The following ZNF652 variants were observed in gnomAD, a reference collection of about 807,000 sequenced individuals.
ZNF652 encodes the protein zinc finger protein 652.
Under a neutral mutation model 45.2 loss-of-function variants are expected in ZNF652, and 16 were observed. The ratio of observed to expected loss-of-function variants is 0.35; its 90% CI spans 0.24 to 0.54. The LOEUF (loss-of-function observed/expected upper bound fraction) is 0.54. ZNF652 is among the 20% of genes least tolerant of loss of function. ZNF652 has a pLI of 0.91. For synonymous variants in ZNF652, 250 were observed against 260.6 expected (o/e 0.96, Z 0.39); for missense variants, 614 against 765.6 (o/e 0.80, Z 2.34).
intron 3 of ZNF652, among the ~76,000 whole-genome samples, chr17:49,312,277 T>C (rs1426763502): frequency 2.7e-5 from 4 of 149,340 alleles, no homozygotes; most frequent in African/African-American, 9.8e-5. Context: ...GTGATTATCC[T>C]GCCTCAGCCT....
At chr17:49,331,270 C>T (rs958395552) in intron 1 of ZNF652, among the ~76,000 whole-genome samples, 2 of 151,562 alleles carry the variant, frequency 1.3e-5, no homozygotes, top group Admixed American at 6.6e-5. Flanking sequence ...TACAGGTGCC[C>T]GCTACCACGC....
chr17:49,325,699 C>T (rs890821556), intron 1 of ZNF652, among the ~76,000 whole-genome samples: 6 of 151,888 alleles, frequency 4.0e-5, no homozygotes, highest in Admixed American at 3.3e-4. Context: ...GCTGCATGCC[C>T]GTGGTCCCAG....
chr17:49,330,889 A>AAAAC (rs148491803), intron 1 of ZNF652, among the ~76,000 whole-genome samples: 12 of 149,040 alleles, frequency 8.1e-5, no homozygotes, highest in African/African-American at 2.5e-4. Flanking sequence ...TGTCTCTACT[A>AAAAC]AAACAAACAA....
At chr17:49,312,133 C>A in intron 3 of ZNF652, 91 bp from the exon 4 acceptor site, 1 of 587,742 alleles carries the variant, frequency 1.7e-6, no homozygotes, top group Non-Finnish European at 2.9e-6. Context: ...TTAGGCCATC[C>A]TAATTTTCTA....
At chr17:49,309,411 G>T (rs1293181703) in intron 5 of ZNF652, among the ~76,000 whole-genome samples, 1 of 150,984 alleles carries the variant, frequency 6.6e-6, no homozygotes, top group Non-Finnish European at 1.5e-5. Context: ...GGGAGGCTGG[G>T]GCAGGAGAAT....
intron 1 of ZNF652, among the ~76,000 whole-genome samples, chr17:49,330,959 C>A (rs1288584047): frequency 2.0e-5 from 3 of 151,294 alleles, no homozygotes; most frequent in Non-Finnish European, 4.4e-5. Flanking sequence ...TGCCTGTAAT[C>A]CCAGCTACTC....
chr17:49,344,200 CA>C (rs150373947), intron 1 of ZNF652, among the ~76,000 whole-genome samples: 62,341 of 144,820 alleles, frequency 0.43, 13,468 homozygotes, highest in East Asian at 0.49. Flanking sequence ...GACTCCGTTT[CA>C]AAAAAAAAAA....
At chr17:49,349,881 G>A (rs2411979) in intron 1 of ZNF652, among the ~76,000 whole-genome samples, 35,016 of 152,032 alleles carry the variant, frequency 0.23, 4,152 homozygotes, top group South Asian at 0.32. Context: ...AGATACTAAT[G>A]TCAAAGATAA....
rs146554127 is a variant in ZNF652 at position 49,331,406 on chromosome 17, C to T, written c.-258-13423G>A. Among the ~76,000 whole-genome samples, 390 of 152,210 alleles carry T rather than the reference C, an allele frequency of 2.6e-3. 4 individuals are homozygous for T. Among genetic ancestry groups the T allele is most frequent in the African/African-American group, 8.9e-3 (371 of 41,546 alleles). On this transcript the variant is annotated intron_variant, in intron 1 of 5. Transcript: ENST00000430262. ...AAAGTGCTGGGATTACAGGCGTGAG[C>T]CACCATGCTTGGCCAAATGTGCCTT...
chr17:49,352,379 G>T (rs1168011086), intron 1 of ZNF652, among the ~76,000 whole-genome samples: 4 of 152,054 alleles, frequency 2.6e-5, no homozygotes, highest in African/African-American at 4.8e-5. Context: ...GAGGAAACAA[G>T]AGGTTCAGAA....
rs767629722 is a variant in ZNF652, at chr17:49,312,682, A to T, written c.1048+16T>A. The T allele has an allele frequency of 1.6e-5, 26 of 1,610,830 alleles. No individual in the cohort carries two copies. Among genetic ancestry groups the T allele is most frequent in the Non-Finnish European group, 2.2e-5 (26 of 1,178,832 alleles). ...AGGGAAAATTATAGGTATAAGAGAA[A>T]AGCAGAAAAACTTACCAACCATGTG... On this transcript the variant is annotated intron_variant, in intron 3 of 5. Coordinates refer to ENST00000430262, the MANE Select transcript of ZNF652 (RefSeq NM_001145365.3).
chr17:49,339,667 T>C (rs2070123387), intron 1 of ZNF652, among the ~76,000 whole-genome samples: 2 of 152,070 alleles, frequency 1.3e-5, no homozygotes, highest in African/African-American at 4.8e-5. Context: ...CTGTGAAGAG[T>C]GTCAGGTTTT....
At chr17:49,357,552 T>A (rs550550989) in intron 1 of ZNF652, among the ~76,000 whole-genome samples, 2 of 152,328 alleles carry the variant, frequency 1.3e-5, no homozygotes, top group East Asian at 3.8e-4. Context: ...AAAATGTTCA[T>A]AAGTATTTTT....
intron 1 of ZNF652, among the ~76,000 whole-genome samples, chr17:49,333,387 A>AAAGAATATGAAGACATTTCTCTAAAG (rs1357838624): frequency 8.0e-5 from 12 of 150,472 alleles, no homozygotes; most frequent in Non-Finnish European, 1.8e-4. Context: ...ATTAAAACGG[A>AAAGAATATGAAGACATTTCTCTAAAG]AAGAATATGA....
intron 1 of ZNF652, among the ~76,000 whole-genome samples, chr17:49,332,634 T>C (rs1312087615): frequency 6.6e-6 from 1 of 152,126 alleles, no homozygotes; most frequent in Non-Finnish European, 1.5e-5. Flanking sequence ...GATTTTACCT[T>C]TCCTTGTGAT....
intron 2 of ZNF652, among the ~76,000 whole-genome samples, chr17:49,315,047 T>G (rs1396095737): frequency 2.0e-5 from 3 of 148,016 alleles, no homozygotes; most frequent in South Asian, 2.2e-4. Flanking sequence ...AGTTTGTTTT[T>G]TTTTTTTTTT....
In ZNF652 at chr17:49,297,748, T is replaced by C. The variant is rs1169807387; in HGVS notation, c.*665A>G. 25 of 152,652 alleles carry C rather than the reference T, an allele frequency of 1.6e-4. No homozygotes were observed. Among genetic ancestry groups the C allele is most frequent in the Admixed American group, 1.6e-3 (25 of 15,278 alleles). The allele number at this position is 152,652 out of a possible 1,614,324, so 9.5% of individuals were successfully genotyped here. On this transcript the variant is annotated 3_prime_UTR_variant, in exon 6 of 6. Transcript: ENST00000430262. ...AAAAATTTTTTTCTATTTTACAACA[T>C]AGGTTCAGCTACACTGAAAAAATTA...
In ZNF652 at chr17:49,295,482, A is replaced by G. The variant is rs1357628224; in HGVS notation, c.*2931T>C. On this transcript the variant is annotated 3_prime_UTR_variant, in exon 6 of 6. Coordinates refer to ENST00000430262, the MANE Select transcript of ZNF652 (RefSeq NM_001145365.3). ...ATTTGCTTAATACTGGTTTTCCTGT[A>G]TAGCAGATATTTTCTTATGGCTATA... 2 of 152,178 alleles carry G rather than the reference A, an allele frequency of 1.3e-5. No individual in the cohort carries two copies. The highest frequency in any genetic ancestry group is 4.8e-5 in the African/African-American group (2 of 41,412). The allele number at this position is 152,178 out of a possible 1,614,324, so 9.4% of individuals were successfully genotyped here.
At chr17:49,333,248 G>A (rs918218919) in intron 1 of ZNF652, among the ~76,000 whole-genome samples, 7 of 150,300 alleles carry the variant, frequency 4.7e-5, no homozygotes, top group East Asian at 2.0e-4. Flanking sequence ...TAGTAGAGAC[G>A]GGGTTTCACC....
Sources: allele counts gnomAD v4.1 joint callset (sites outside exome capture counted in the v4.1 genomes callset), GRCh38; gene constraint gnomAD v4.1.1; transcripts MANE v1.5; gene names NCBI Gene and HGNC (gene_info 2026-07-23, HGNC 2026-07-21).